Variants in ANKS1B observed in about 807,000 individuals in gnomAD.
The protein encoded by ANKS1B is ankyrin repeat and sterile alpha motif domain containing 1B.
A neutral mutation model predicts 148.3 loss-of-function variants in ANKS1B; 36 were observed. The ratio of observed to expected loss-of-function variants is 0.24; its 90% CI spans 0.19 to 0.32. The LOEUF (loss-of-function observed/expected upper bound fraction) is 0.32, where lower values mean the gene tolerates loss of function less well. Among genes scored for constraint, ANKS1B ranks in the 10% least tolerant of loss-of-function variants. The pLI is 1.00. For missense variants in ANKS1B, 1,157 were observed against 1,542.6 expected, an observed-to-expected ratio of 0.75 and a Z score of 4.19; for synonymous variants, 542 against 560.8, an observed-to-expected ratio of 0.97 and a Z score of 0.47.
chr12:99,274,629 C>T (rs12318829), intron 12 of ANKS1B, among the ~76,000 whole-genome samples: 2,575 of 152,196 alleles, frequency 0.017, 74 homozygotes, highest in African/African-American at 0.056. Context: ...TTCACTAACA[C>T]TTTTTCAATG....
chr12:99,137,919 T>G (rs192224590), intron 15 of ANKS1B, among the ~76,000 whole-genome samples: 9 of 152,282 alleles, frequency 5.9e-5, no homozygotes, highest in South Asian at 2.1e-4. Flanking sequence ...TCAGTTACAG[T>G]GCTGTGAGCT....
At chr12:99,327,736 AT>A (rs2086761482) in intron 12 of ANKS1B, among the ~76,000 whole-genome samples, 1 of 150,878 alleles carries the variant, frequency 6.6e-6, no homozygotes, top group Admixed American at 6.6e-5. Context: ...AATAGATAAT[AT>A]TCATTTTAGT....
At chr12:99,892,233 G>A (rs112955241) in intron 1 of ANKS1B, among the ~76,000 whole-genome samples, 6,842 of 152,122 alleles carry the variant, frequency 0.045, 488 homozygotes, top group African/African-American at 0.15. Context: ...TTGATCTCCT[G>A]ACCTCGTGAT....
intron 9 of ANKS1B, among the ~76,000 whole-genome samples, chr12:99,517,643 C>A (rs184724792): frequency 6.6e-6 from 1 of 151,672 alleles, no homozygotes; most frequent in Non-Finnish European, 1.5e-5. Flanking sequence ...GCAGGAGAAT[C>A]GCTTGAATAT....
intron 12 of ANKS1B, among the ~76,000 whole-genome samples, chr12:99,252,561 GAC>G (rs2074740328): frequency 6.6e-6 from 1 of 152,152 alleles, no homozygotes; most frequent in Non-Finnish European, 1.5e-5. Flanking sequence ...CAAATCACAT[GAC>G]AGCAGTAGGA....
At chr12:99,105,150 C>CTATTAAATTCAGTAGAAATTAGT (rs1399536284) in intron 15 of ANKS1B, 1 of 152,166 alleles carries the variant, frequency 6.6e-6, no homozygotes, top group Non-Finnish European at 1.5e-5. Flanking sequence ...GTTCTTTATG[C>CTATTAAATTCAGTAGAAATTAGT]TATTAAATTC....
intron 14 of ANKS1B, among the ~76,000 whole-genome samples, chr12:99,218,799 TA>T (rs2084640769): frequency 6.6e-6 from 1 of 152,202 alleles, no homozygotes; most frequent in Non-Finnish European, 1.5e-5. Flanking sequence ...AAGCTCATAA[TA>T]AGTGCCAACC....
intron 12 of ANKS1B, among the ~76,000 whole-genome samples, chr12:99,302,337 T>A (rs2081757728): frequency 6.6e-6 from 1 of 152,110 alleles, no homozygotes; most frequent in Non-Finnish European, 1.5e-5. Flanking sequence ...TGCACTCTCC[T>A]CCCAGGAACA....
chr12:99,225,335 C>G (rs1373489996), intron 14 of ANKS1B, among the ~76,000 whole-genome samples: 1 of 152,006 alleles, frequency 6.6e-6, no homozygotes, highest in African/African-American at 2.4e-5. Flanking sequence ...TTCTATAGCC[C>G]ACTTTTGTCT....
At chr12:99,014,693 C>T (rs767646595) in intron 17 of ANKS1B, among the ~76,000 whole-genome samples, 3 of 152,094 alleles carry the variant, frequency 2.0e-5, no homozygotes, top group Non-Finnish European at 2.9e-5. Flanking sequence ...ACAAACAACT[C>T]CATAAAAAGT....
intron 12 of ANKS1B, among the ~76,000 whole-genome samples, chr12:99,306,233 G>T (rs987306137): frequency 6.6e-6 from 1 of 152,012 alleles, no homozygotes; most frequent in Non-Finnish European, 1.5e-5. Context: ...CTTGTGTACT[G>T]CTCCCTCAGC....
At chr12:99,135,098 C>T (rs2153774420) in intron 15 of ANKS1B, among the ~76,000 whole-genome samples, 1 of 152,034 alleles carries the variant, frequency 6.6e-6, no homozygotes, top group East Asian at 1.9e-4. Flanking sequence ...CAAAACAATA[C>T]ATCAGAGGAA....
At chr12:99,049,725 A>C (rs752961967) in intron 17 of ANKS1B, among the ~76,000 whole-genome samples, 6 of 152,230 alleles carry the variant, frequency 3.9e-5, no homozygotes, top group Non-Finnish European at 7.3e-5. Flanking sequence ...CTGTTGCAAA[A>C]ATAATGCCAG....
At chr12:99,320,311 C>T (rs560611108) in intron 12 of ANKS1B, among the ~76,000 whole-genome samples, 41 of 152,292 alleles carry the variant, frequency 2.7e-4, no homozygotes, top group African/African-American at 9.4e-4. Flanking sequence ...CTGTTCTCCC[C>T]GTCACTTTCT....
intron 12 of ANKS1B, among the ~76,000 whole-genome samples, chr12:99,339,924 C>A (rs1225279480): frequency 6.6e-6 from 1 of 152,034 alleles, no homozygotes. Context: ...GGTTTCTATT[C>A]CATTTGAGGG....
At chr12:99,590,254 CCACCCACA>C (rs965374432) in intron 9 of ANKS1B, among the ~76,000 whole-genome samples, 8 of 130,266 alleles carry the variant, frequency 6.1e-5, no homozygotes, top group South Asian at 4.8e-4. Context: ...ACACCCACAC[CCACCCACA>C]CACACACACA....
chr12:99,207,371 T>TTAAG (rs4016050), intron 14 of ANKS1B, among the ~76,000 whole-genome samples: 117,392 of 150,874 alleles, frequency 0.78, 45,504 homozygotes, highest in East Asian at 0.89. Context: ...TCATGTTAAA[T>TTAAG]TAATAGATAT....
At chr12:98,781,263 C>T (rs1266108418) in intron 23 of ANKS1B, 60 bp from the exon 24 acceptor site, 6 of 979,516 alleles carry the variant, frequency 6.1e-6, no homozygotes, top group South Asian at 5.5e-5. Context: ...CTGAAGCACA[C>T]AATTTTTCCT....
intron 12 of ANKS1B, among the ~76,000 whole-genome samples, chr12:99,333,516 G>A (rs563740303): frequency 3.3e-5 from 5 of 150,316 alleles, no homozygotes; most frequent in South Asian, 4.1e-4. Flanking sequence ...TACTCTTAAC[G>A]TTCTTTGGGT....
Sources: allele counts gnomAD v4.1 joint callset (sites outside exome capture counted in the v4.1 genomes callset), GRCh38; gene constraint gnomAD v4.1.1; transcripts MANE v1.5; gene names NCBI Gene and HGNC (gene_info 2026-07-23, HGNC 2026-07-21).